Variants in KLHL29 observed in about 807,000 individuals in gnomAD.
The protein encoded by KLHL29 is kelch-like protein 29.
A neutral mutation model predicts 80.4 loss-of-function variants in KLHL29; 21 were observed. That is an observed-to-expected ratio of 0.26 (90% CI 0.19 to 0.38). The LOEUF (loss-of-function observed/expected upper bound fraction) is 0.38, where lower values mean the gene tolerates loss of function less well. Ranked by LOEUF, KLHL29 falls within the 10% of genes least tolerant of loss-of-function variation. The probability of loss-of-function intolerance (pLI) is 1.00; values close to 1 mark genes in which losing one functional copy is unlikely to be tolerated. For synonymous variants in KLHL29, 511 were observed against 526.8 expected (o/e 0.97, Z 0.41); for missense variants, 867 against 1,223.9 (o/e 0.71, Z 4.35).
chr2:23,642,366 C>T lies in KLHL29; in HGVS notation c.456C>T (p.Ala152=), dbSNP rs1340212512. 19 of 1,434,366 alleles carry T rather than the reference C, an allele frequency of 1.3e-5. 1 individual carries two copies. The highest frequency in any genetic ancestry group is 1.3e-4 in the South Asian group (8 of 63,432). The allele number at this position is 1,434,366 out of a possible 1,614,324, so 88.9% of individuals were successfully genotyped here. Residue 152 remains alanine (A), a synonymous_variant, in exon 5 of 14, where the codon GCC becomes GCT. Transcript: ENST00000486442. ...PGTGPWVTTV[A]AGNQPTLIAH... ...CAGGGCCATGGGTGACCACGGTGGCCGCCGGGAACCAGCCCACCCTGATTG... is the reference window on the plus strand; with the variant it reads ...CAGGGCCATGGGTGACCACGGTGGCTGCCGGGAACCAGCCCACCCTGATTG...
At chr2:23,389,623 A>G (rs75731073) in intron 1 of KLHL29, among the ~76,000 whole-genome samples, 2,957 of 151,876 alleles carry the variant, frequency 0.019, 81 homozygotes, top group African/African-American at 0.064. Flanking sequence ...GGAGCCCAGG[A>G]AGTTGAGGCT....
chr2:23,394,428 A>G (rs1302897559), intron 1 of KLHL29, among the ~76,000 whole-genome samples: 5 of 152,236 alleles, frequency 3.3e-5, no homozygotes, highest in Admixed American at 1.3e-4. Context: ...CGCATGGGTG[A>G]CTTCACAGTG....
chr2:23,621,290 A>G (rs1180130289), intron 3 of KLHL29, among the ~76,000 whole-genome samples: 1 of 152,232 alleles, frequency 6.6e-6, no homozygotes, highest in African/African-American at 2.4e-5. Context: ...CAGCCGGACT[A>G]AGACCTGCTG....
chr2:23,412,632 G>T (rs1260942614), intron 1 of KLHL29, among the ~76,000 whole-genome samples: 1 of 152,180 alleles, frequency 6.6e-6, no homozygotes, highest in Non-Finnish European at 1.5e-5. Context: ...GAACCAGAGG[G>T]AGTGGAGATT....
chr2:23,395,090 C>T (rs373078288), intron 1 of KLHL29, among the ~76,000 whole-genome samples: 84 of 152,228 alleles, frequency 5.5e-4, no homozygotes, highest in African/African-American at 1.9e-3. Flanking sequence ...GCTGGATATT[C>T]GTTGTTCAAA....
At chr2:23,418,856 C>T (rs1370483363) in intron 1 of KLHL29, among the ~76,000 whole-genome samples, 2 of 152,112 alleles carry the variant, frequency 1.3e-5, no homozygotes, top group Non-Finnish European at 2.9e-5. Flanking sequence ...GCATGCACTT[C>T]GTCAATCCTG....
chr2:23,394,991 C>T (rs773922189), intron 1 of KLHL29, among the ~76,000 whole-genome samples: 1 of 152,224 alleles, frequency 6.6e-6, no homozygotes, highest in African/African-American at 2.4e-5. Flanking sequence ...AAATCGGTAA[C>T]ATCAATGGTT....
At chr2:23,526,531 A>G (rs1449640026) in intron 2 of KLHL29, among the ~76,000 whole-genome samples, 2 of 152,146 alleles carry the variant, frequency 1.3e-5, no homozygotes, top group Non-Finnish European at 2.9e-5. Context: ...AGATGGTGGG[A>G]AAAACCACTG....
At chr2:23,649,714 G>A (rs1209853942) in intron 5 of KLHL29, among the ~76,000 whole-genome samples, 2 of 152,246 alleles carry the variant, frequency 1.3e-5, no homozygotes, top group Non-Finnish European at 2.9e-5. Context: ...CAGAGGTCCC[G>A]CTGCCGATGG....
intron 1 of KLHL29, among the ~76,000 whole-genome samples, chr2:23,443,818 T>C (rs1273809099): frequency 1.3e-5 from 2 of 152,224 alleles, no homozygotes; most frequent in African/African-American, 4.8e-5. Flanking sequence ...ATTGTGAAGG[T>C]AGATTTTTTT....
At chr2:23,427,217 G>A (rs536287107) in intron 1 of KLHL29, among the ~76,000 whole-genome samples, 3 of 152,294 alleles carry the variant, frequency 2.0e-5, no homozygotes, top group South Asian at 2.1e-4. Flanking sequence ...GGGGCCACAC[G>A]TTGATCATTC....
chr2:23,523,958 A>T (rs1018516526), intron 2 of KLHL29: 1 of 471,134 alleles, frequency 2.1e-6, no homozygotes, highest in African/African-American at 2.0e-5. Context: ...TACCTCGTAA[A>T]GAGAAGATTC....
intron 4 of KLHL29, among the ~76,000 whole-genome samples, chr2:23,640,733 T>A (rs1669744066): frequency 6.6e-6 from 1 of 152,254 alleles, no homozygotes; most frequent in South Asian, 2.1e-4. Context: ...TCACAAGGCT[T>A]ACAGCAATAG....
At chr2:23,486,015 C>A (rs550170954) in intron 2 of KLHL29, among the ~76,000 whole-genome samples, 1 of 152,166 alleles carries the variant, frequency 6.6e-6, no homozygotes, top group Non-Finnish European at 1.5e-5. Context: ...TGTCGGCATG[C>A]CCACCTCCCA....
chr2:23,627,730 TGTGTGGC>T (rs11277177), intron 3 of KLHL29, among the ~76,000 whole-genome samples: 121,185 of 151,372 alleles, frequency 0.8, 48,788 homozygotes, highest in East Asian at 1. Flanking sequence ...TCAGGATTGT[TGTGTGGC>T]GTCAAGAGTC....
rs1005012848 is a variant in KLHL29, at chr2:23,548,141, C to G, written c.-45-14011C>G. 2.6e-5 allele frequency among the ~76,000 whole-genome samples: 4 copies of G among 152,300 alleles called. No homozygotes were observed. The South Asian group carries it at 8.3e-4, about 32-fold the overall frequency. On this transcript the variant is annotated intron_variant, in intron 2 of 13. Transcript: ENST00000486442. ...GCCGTGGCTTCAAGGAGCTGCCAAC[C>G]TCATGGGGTTAAAGAGAAAAATCAT...
chr2:23,482,858 TTCATTCATTCA>T (rs1664837996), intron 2 of KLHL29, among the ~76,000 whole-genome samples: 1 of 151,684 alleles, frequency 6.6e-6, no homozygotes, highest in African/African-American at 2.4e-5. Flanking sequence ...CATTCATTCA[TTCATTCATTCA>T]TCCATCACTT....
chr2:23,402,257 C>T (rs1327585893), intron 1 of KLHL29, among the ~76,000 whole-genome samples: 1 of 152,192 alleles, frequency 6.6e-6, no homozygotes, highest in Non-Finnish European at 1.5e-5. Flanking sequence ...GATTTTCACC[C>T]TCTCAGTGTT....
chr2:23,388,297 A>G (rs1323371468), intron 1 of KLHL29, among the ~76,000 whole-genome samples: 1 of 152,242 alleles, frequency 6.6e-6, no homozygotes, highest in Non-Finnish European at 1.5e-5. Context: ...AGCTCCTCAT[A>G]TCTAGGAACA....
Sources: allele counts gnomAD v4.1 joint callset (sites outside exome capture counted in the v4.1 genomes callset), GRCh38; gene constraint gnomAD v4.1.1; transcripts MANE v1.5; gene names NCBI Gene and HGNC (gene_info 2026-07-23, HGNC 2026-07-21).